Variants in PTPRN2 observed in about 807,000 individuals in gnomAD.
PTPRN2 encodes receptor-type tyrosine-protein phosphatase N2.
In PTPRN2, 74 loss-of-function variants were observed where a neutral mutation model predicts 118.8. The ratio of observed to expected loss-of-function variants is 0.62; its 90% CI spans 0.52 to 0.76. PTPRN2 has a LOEUF of 0.76. Among genes scored for constraint, PTPRN2 ranks in the 30% least tolerant of loss-of-function variants. PTPRN2 has a pLI of 0.00. For synonymous variants in PTPRN2, 641 were observed against 608.0 expected (o/e 1.05, Z -0.80); for missense variants, 1,481 against 1,394.4 (o/e 1.06, Z -0.99).
At chr7:157,865,021 TC>T (rs550470628) in intron 12 of PTPRN2, 87 of 152,474 alleles carry the variant, frequency 5.7e-4, no homozygotes, top group African/African-American at 2.0e-3. Context: ...TAGGCCCAAA[TC>T]CAAGCACTCC....
intron 14 of PTPRN2, among the ~76,000 whole-genome samples, chr7:157,644,970 T>A (rs1245966826): frequency 6.6e-6 from 1 of 152,214 alleles, no homozygotes; most frequent in Non-Finnish European, 1.5e-5. Flanking sequence ...GGACAAGAAC[T>A]CTCAGAGGGC....
chr7:158,554,306 G>C (rs577290964), intron 1 of PTPRN2, among the ~76,000 whole-genome samples: 1 of 152,228 alleles, frequency 6.6e-6, no homozygotes, highest in African/African-American at 2.4e-5. Flanking sequence ...AACCAGAGAG[G>C]GTCCTTGTGC....
intron 11 of PTPRN2, among the ~76,000 whole-genome samples, chr7:157,947,084 A>T (rs1173741635): frequency 6.6e-6 from 1 of 152,178 alleles, no homozygotes; most frequent in East Asian, 1.9e-4. Context: ...CCATCAGCAT[A>T]GATGGGAGCT....
chr7:157,832,962 C>A (rs1807667107), intron 12 of PTPRN2, among the ~76,000 whole-genome samples: 1 of 152,262 alleles, frequency 6.6e-6, no homozygotes, highest in South Asian at 2.1e-4. Context: ...CGTGATGTGG[C>A]TGGTGCCCAT....
intron 14 of PTPRN2, among the ~76,000 whole-genome samples, chr7:157,625,572 T>C (rs1476584939): frequency 6.6e-6 from 1 of 151,958 alleles, no homozygotes; most frequent in South Asian, 2.1e-4. Flanking sequence ...CTTTGGGGAC[T>C]TGAGGGGAGG....
chr7:158,288,002 G>T (rs1396130970), intron 3 of PTPRN2, among the ~76,000 whole-genome samples: 1 of 151,938 alleles, frequency 6.6e-6, no homozygotes, highest in African/African-American at 2.4e-5. Context: ...CCAGTTTTTA[G>T]CCCATATTTA....
Position 157,576,685 on chromosome 7 carries a change from G to C in PTPRN2, c.2711C>G (p.Thr904Arg), listed in dbSNP as rs745584495. The change falls in exon 19 of 23, where the codon ACG becomes AGG. Residue 904 changes from threonine to arginine, a missense_variant. This residue lies in a region of PTPRN2 where 362 missense variants were observed against 384.1 expected (regional missense o/e 0.94). Coordinates refer to ENST00000389418, the MANE Select transcript of PTPRN2 (RefSeq NM_002847.5). Reference protein sequence around the residue: ...NLQTNETRTVTQFHFLSWYDR... With the variant: ...NLQTNETRTVRQFHFLSWYDR... ...ATACCAACTCAGGAAGTGGAACTGC[G>C]TCACGGTGCGCGTCTCGTTGGTCTG... 48 of 1,611,740 alleles carry C rather than the reference G, an allele frequency of 3.0e-5. No individual in the cohort carries two copies. Among genetic ancestry groups the C allele is most frequent in the Non-Finnish European group, 4.1e-5 (48 of 1,178,944 alleles).
intron 2 of PTPRN2, among the ~76,000 whole-genome samples, chr7:158,399,237 G>C (rs557045174): frequency 3.3e-4 from 50 of 152,356 alleles, no homozygotes; most frequent in African/African-American, 1.1e-3. Flanking sequence ...AGCTGATTTA[G>C]AATTGTGTCA....
intron 2 of PTPRN2, among the ~76,000 whole-genome samples, chr7:158,338,739 G>C (rs1586364816): frequency 7.8e-5 from 1 of 12,788 alleles, no homozygotes; most frequent in Non-Finnish European, 1.4e-4. Context: ...ACCATAAGAA[G>C]TGACACCTGC....
At chr7:157,656,846 A>G (rs368552422) in intron 13 of PTPRN2, among the ~76,000 whole-genome samples, 1 of 111,602 alleles carries the variant, frequency 9.0e-6, no homozygotes, top group African/African-American at 3.9e-5. Context: ...CACACACACC[A>G]CACACACACA....
At chr7:158,340,478 C>A (rs1173646820) in intron 2 of PTPRN2, among the ~76,000 whole-genome samples, 3 of 114,810 alleles carry the variant, frequency 2.6e-5, no homozygotes, top group South Asian at 3.5e-4. Context: ...TCCACACTCT[C>A]ACCATAATAG....
chr7:158,078,795 G>A (rs923476133), intron 11 of PTPRN2, among the ~76,000 whole-genome samples: 5 of 152,144 alleles, frequency 3.3e-5, no homozygotes, highest in African/African-American at 1.2e-4. Context: ...CTGCCTACCT[G>A]CAAGATCTTC....
intron 3 of PTPRN2, among the ~76,000 whole-genome samples, chr7:158,268,951 G>A (rs527925079): frequency 1.8e-4 from 27 of 148,708 alleles, no homozygotes; most frequent in African/African-American, 4.7e-4. Flanking sequence ...GTGAAATATC[G>A]CAGCCACATT....
intron 22 of PTPRN2, among the ~76,000 whole-genome samples, chr7:157,544,253 G>C (rs1345132099): frequency 6.6e-6 from 1 of 152,196 alleles, no homozygotes; most frequent in South Asian, 2.1e-4. Flanking sequence ...TGGGCTGCGG[G>C]CCTGGAGCTG....
At chr7:158,016,375 G>A (rs1293732535) in intron 11 of PTPRN2, among the ~76,000 whole-genome samples, 17 of 152,188 alleles carry the variant, frequency 1.1e-4, no homozygotes, top group Admixed American at 9.8e-4. Flanking sequence ...GAGGGGGAGT[G>A]GGCTGTGAGT....
intron 12 of PTPRN2, among the ~76,000 whole-genome samples, chr7:157,850,999 C>A (rs1195395439): frequency 6.6e-6 from 1 of 152,146 alleles, no homozygotes; most frequent in African/African-American, 2.4e-5. Flanking sequence ...AGAAAAGCAG[C>A]GGAATGGGCG....
At chr7:157,850,761 GCTT>G (rs992530044) in intron 12 of PTPRN2, among the ~76,000 whole-genome samples, 8 of 152,202 alleles carry the variant, frequency 5.3e-5, no homozygotes, top group African/African-American at 1.9e-4. Context: ...GGAGGCGGAA[GCTT>G]CTTCACACCA....
At chr7:157,883,326 C>A (rs1397777382) in intron 12 of PTPRN2, among the ~76,000 whole-genome samples, 1 of 150,392 alleles carries the variant, frequency 6.6e-6, no homozygotes, top group Non-Finnish European at 1.5e-5. Context: ...TCAGAACACA[C>A]CACCCCAAAA....
At chr7:157,836,698 A>G (rs1479563691) in intron 12 of PTPRN2, among the ~76,000 whole-genome samples, 1 of 152,166 alleles carries the variant, frequency 6.6e-6, no homozygotes, top group African/African-American at 2.4e-5. Flanking sequence ...AATAGACACA[A>G]AACAAGTATT....
Sources: allele counts gnomAD v4.1 joint callset (sites outside exome capture counted in the v4.1 genomes callset), GRCh38; gene constraint gnomAD v4.1.1; regional missense constraint gnomAD v4.1.1; transcripts MANE v1.5; gene names NCBI Gene and HGNC (gene_info 2026-07-23, HGNC 2026-07-21).